Variants in ARHGAP24 observed in about 807,000 individuals in gnomAD.
ARHGAP24 encodes the protein Rho GTPase activating protein 24.
Under a neutral mutation model 76.4 loss-of-function variants are expected in ARHGAP24, and 50 were observed. That is an observed-to-expected ratio of 0.65 (90% CI 0.52 to 0.83). ARHGAP24 has a LOEUF of 0.83. ARHGAP24 is among the 40% of genes least tolerant of loss of function. The pLI is 0.00. For missense variants in ARHGAP24, 930 were observed against 914.2 expected (o/e 1.02, Z -0.22); for synonymous variants, 345 against 323.3 (o/e 1.07, Z -0.72).
intron 5 of ARHGAP24, among the ~76,000 whole-genome samples, chr4:85,968,333 C>G (rs1334787266): frequency 1.3e-5 from 2 of 152,096 alleles, no homozygotes; most frequent in Admixed American, 1.3e-4. Flanking sequence ...TTTTTATTCT[C>G]CATTGTACAT....
At chr4:85,812,388 G>A (rs1004500606) in intron 3 of ARHGAP24, among the ~76,000 whole-genome samples, 15 of 152,136 alleles carry the variant, frequency 9.9e-5, no homozygotes, top group Middle Eastern at 3.4e-3. Context: ...AACTATGACA[G>A]TGATATCTTG....
intron 3 of ARHGAP24, among the ~76,000 whole-genome samples, chr4:85,755,289 T>C (rs1477390644): frequency 6.6e-6 from 1 of 152,144 alleles, no homozygotes; most frequent in Non-Finnish European, 1.5e-5. Context: ...CTACATCCTG[T>C]AGGTGAAGGT....
intron 1 of ARHGAP24, among the ~76,000 whole-genome samples, chr4:85,569,903 T>C (rs1330663424): frequency 6.6e-6 from 1 of 152,190 alleles, no homozygotes; most frequent in African/African-American, 2.4e-5. Context: ...AACCTAGGCC[T>C]GCAGGGGCCT....
chr4:85,732,248 A>G (rs1725436825), intron 3 of ARHGAP24, among the ~76,000 whole-genome samples: 1 of 152,180 alleles, frequency 6.6e-6, no homozygotes, highest in Non-Finnish European at 1.5e-5. Flanking sequence ...GGGTGACTTG[A>G]TGGCCAGTGG....
At chr4:85,958,981 G>C (rs772012674) in intron 5 of ARHGAP24, among the ~76,000 whole-genome samples, 1 of 152,126 alleles carries the variant, frequency 6.6e-6, no homozygotes, top group African/African-American at 2.4e-5. Context: ...ATGGGAAAAG[G>C]GTCCAGAGGG....
chr4:85,902,577 C>T (rs1216719507), intron 3 of ARHGAP24, among the ~76,000 whole-genome samples: 1 of 152,050 alleles, frequency 6.6e-6, no homozygotes, highest in Non-Finnish European at 1.5e-5. Flanking sequence ...TGACATGTTC[C>T]CCTTGGGCTG....
chr4:85,939,641 G>A (rs912462034), intron 4 of ARHGAP24, among the ~76,000 whole-genome samples: 8 of 152,022 alleles, frequency 5.3e-5, no homozygotes, highest in African/African-American at 1.7e-4. Context: ...AAAGTAAAAA[G>A]GAAACCGAAT....
intron 3 of ARHGAP24, among the ~76,000 whole-genome samples, chr4:85,730,704 C>G (rs1331340644): frequency 6.6e-6 from 1 of 152,152 alleles, no homozygotes; most frequent in Non-Finnish European, 1.5e-5. Flanking sequence ...CCACCACACC[C>G]AGCTTGCATT....
chr4:85,565,664 G>A (rs9993487), intron 1 of ARHGAP24, among the ~76,000 whole-genome samples: 4 of 152,062 alleles, frequency 2.6e-5, no homozygotes, highest in African/African-American at 9.6e-5. Flanking sequence ...TTGTTCCCTC[G>A]CCCTCTTTCC....
intron 2 of ARHGAP24, among the ~76,000 whole-genome samples, chr4:85,710,825 G>T (rs1236154598): frequency 6.6e-6 from 1 of 152,036 alleles, no homozygotes; most frequent in Non-Finnish European, 1.5e-5. Flanking sequence ...TGCTGACGAG[G>T]TTGCTGAGAA....
chr4:85,638,581 C>G (rs928332776), intron 2 of ARHGAP24, among the ~76,000 whole-genome samples: 3 of 151,930 alleles, frequency 2.0e-5, no homozygotes, highest in African/African-American at 7.2e-5. Flanking sequence ...TTTTCCTTTC[C>G]TCTCTAATAG....
At chr4:85,936,613 A>C (rs1442233891) in intron 4 of ARHGAP24, among the ~76,000 whole-genome samples, 1 of 152,194 alleles carries the variant, frequency 6.6e-6, no homozygotes, top group Non-Finnish European at 1.5e-5. Context: ...AAATGTAAAA[A>C]TAAAATCCTC....
At chr4:85,550,556 A>C (rs985420135) in intron 1 of ARHGAP24, among the ~76,000 whole-genome samples, 1 of 152,258 alleles carries the variant, frequency 6.6e-6, no homozygotes, top group African/African-American at 2.4e-5. Flanking sequence ...TTGAATTTTA[A>C]AAGTCTTTTT....
At chr4:85,807,895 C>A (rs939192900) in intron 3 of ARHGAP24, among the ~76,000 whole-genome samples, 8 of 152,172 alleles carry the variant, frequency 5.3e-5, no homozygotes, top group Admixed American at 1.3e-4. Flanking sequence ...ATGTCAGCAA[C>A]TTTGCTCTGT....
intron 1 of ARHGAP24, among the ~76,000 whole-genome samples, chr4:85,542,601 G>A (rs1335500154): frequency 6.6e-6 from 1 of 152,156 alleles, no homozygotes; most frequent in Non-Finnish European, 1.5e-5. Flanking sequence ...CTCCCTTAGG[G>A]ACAGTCATGC....
chr4:85,937,783 AG>A (rs1207323982), intron 4 of ARHGAP24, among the ~76,000 whole-genome samples: 5 of 150,144 alleles, frequency 3.3e-5, no homozygotes, highest in African/African-American at 1.2e-4. Flanking sequence ...TGTAGAAAAA[AG>A]CCATTTTATT....
In ARHGAP24 at chr4:85,551,672, T is replaced by G. The variant is rs141948951; in HGVS notation, c.-20-18850T>G. Among the ~76,000 whole-genome samples the G allele has an allele frequency of 3.9e-5, 6 of 152,316 alleles. No individual in the cohort carries two copies. In the South Asian group the frequency reaches 8.3e-4, roughly 21 times the overall value. On this transcript the variant is annotated intron_variant, in intron 1 of 9. Coordinates refer to ENST00000395184, the MANE Select transcript of ARHGAP24 (RefSeq NM_001025616.3). The stretch of plus-strand genomic sequence containing the variant: ...TGTGGTCCTGGCTCTTTCTTATTTG[T>G]AGCCTTTTTATTACCGATTCAATTT...
At chr4:85,687,930 G>A (rs1159731464) in intron 2 of ARHGAP24, among the ~76,000 whole-genome samples, 1 of 152,024 alleles carries the variant, frequency 6.6e-6, no homozygotes, top group Non-Finnish European at 1.5e-5. Context: ...TCCTGCCTCA[G>A]CCTCCTGAGT....
At chr4:85,786,269 T>C (rs996113983) in intron 3 of ARHGAP24, among the ~76,000 whole-genome samples, 7 of 152,258 alleles carry the variant, frequency 4.6e-5, no homozygotes, top group Non-Finnish European at 1.0e-4. Flanking sequence ...GGAGTATTAA[T>C]TCCATTGCAA....
Sources: gnomAD v4.1 joint callset for allele counts (sites outside exome capture counted in the v4.1 genomes callset) on GRCh38, gnomAD v4.1.1 for gene constraint, MANE v1.5 for transcripts, NCBI Gene and HGNC (gene_info 2026-07-23, HGNC 2026-07-21) for gene names.